ALOX5: variants seen among roughly 807,000 people sequenced by gnomAD.
ALOX5 encodes polyunsaturated fatty acid 5-lipoxygenase.
ALOX5 carries 64 observed loss-of-function variants against 87.9 expected under a neutral mutation model. That is an observed-to-expected ratio of 0.73 (90% CI 0.60 to 0.90). The LOEUF is 0.90. ALOX5 is among the 40% of genes least tolerant of loss of function. The pLI, the probability that ALOX5 is intolerant of heterozygous loss-of-function variation, is 0.00. For missense variants in ALOX5, 822 were observed against 907.5 expected, an observed-to-expected ratio of 0.91 and a Z score of 1.21; for synonymous variants, 388 against 355.1, an observed-to-expected ratio of 1.09 and a Z score of -1.04.
rs1564453616 is a variant in ALOX5, at chr10:45,445,514, C to T, written c.1852C>T (p.Leu618=). 1.2e-6 allele frequency: 2 copies of T among 1,613,194 alleles called. No individual in the cohort carries two copies. The highest frequency in any genetic ancestry group is 1.7e-6 in the Non-Finnish European group (2 of 1,179,202). ...LSQFQENELF[L]GMYPEEHFIE... ...TCCATGTCTGGGCCCTCAGCTGTTCCTGGGCATGTACCCAGAAGAGCATTT... is the reference window on the plus strand; with the variant it reads ...TCCATGTCTGGGCCCTCAGCTGTTCTTGGGCATGTACCCAGAAGAGCATTT... The change falls in exon 14 of 14, where the codon CTG becomes TTG. Residue 618 remains leucine, a synonymous_variant. Coordinates refer to ENST00000374391, the MANE Select transcript of ALOX5 (RefSeq NM_000698.5).
intron 2 of ALOX5, among the ~76,000 whole-genome samples, chr10:45,387,905 C>G (rs531914885): frequency 6.6e-6 from 1 of 152,348 alleles, no homozygotes; most frequent in African/African-American, 2.4e-5. Context: ...TTCTGCATTT[C>G]CAACTGAGGC....
At chr10:45,424,378 C>T (rs55661611) in intron 5 of ALOX5, among the ~76,000 whole-genome samples, 7,548 of 152,260 alleles carry the variant, frequency 0.05, 266 homozygotes, top group South Asian at 0.097. Context: ...CTCGAGCACC[C>T]TCAACCTCAT....
chr10:45,428,856 G>C, intron 7 of ALOX5, 92 bp downstream of exon 7: 2 of 1,514,524 alleles, frequency 1.3e-6, no homozygotes, highest in South Asian at 2.4e-5. Flanking sequence ...AGCTGAGGAA[G>C]CTATGTCTTG....
At chr10:45,404,070 C>T (rs956935118) in intron 3 of ALOX5, among the ~76,000 whole-genome samples, 1 of 152,228 alleles carries the variant, frequency 6.6e-6, no homozygotes, top group Admixed American at 6.5e-5. Context: ...ATAACACAAA[C>T]TAGCCCAATT....
intron 1 of ALOX5, among the ~76,000 whole-genome samples, chr10:45,379,449 T>C (rs1358420896): frequency 6.6e-6 from 1 of 152,228 alleles, no homozygotes; most frequent in Non-Finnish European, 1.5e-5. Flanking sequence ...CCCTCTGTCC[T>C]CACAGCCCTG....
chr10:45,428,565 T>G, intron 6 of ALOX5, 53 bp from the exon 7 acceptor site: 1 of 1,606,322 alleles, frequency 6.2e-7, no homozygotes. Flanking sequence ...CCAGGCCTGA[T>G]TTTTGGTCCG....
Position 45,425,078 on chromosome 10 carries a change from G to C in ALOX5, c.780G>C (p.Thr260=). The part of the protein sequence containing the change: ...TELPEKLPVT[T]EMVECSLERQ... ...TGCCCGAGAAGCTCCCGGTGACCACGGAGATGGTAGAGTGCAGCCTGGAGC... is the reference window on the plus strand; with the variant it reads ...TGCCCGAGAAGCTCCCGGTGACCACCGAGATGGTAGAGTGCAGCCTGGAGC... The change falls in exon 6 of 14, where the codon ACG becomes ACC. Residue 260 remains threonine (T), a synonymous_variant. Transcript: ENST00000374391. This position sits in a 1 kb window ranked among gnomAD's most constrained non-coding sequence, Gnocchi z 4.4. The C allele has an allele frequency of 6.2e-7, 1 of 1,614,050 alleles. No individual in the cohort carries two copies.
rs764477757 is a variant in ALOX5 at position 45,443,570 on chromosome 10, C to A, written c.1573+33C>A. 1.2e-5 allele frequency: 20 copies of A among 1,600,724 alleles called. 1 individual carries two copies. The highest frequency in any genetic ancestry group is 2.2e-5 in the South Asian group (2 of 90,494). ...CTCCGGGACGTCTCCGGACCCGGCTCCCCCGCAGTCGGCAGCGCTGGCCCC... is the reference window on the plus strand; with the variant it reads ...CTCCGGGACGTCTCCGGACCCGGCTACCCCGCAGTCGGCAGCGCTGGCCCC... On this transcript the variant is annotated intron_variant, in intron 11 of 13. Transcript: ENST00000374391.
chr10:45,400,921 G>A (rs1840677357), intron 3 of ALOX5, among the ~76,000 whole-genome samples: 2 of 152,196 alleles, frequency 1.3e-5, no homozygotes, highest in Non-Finnish European at 2.9e-5. Context: ...TCTTTTGATA[G>A]CATATTTTTA....
At chr10:45,380,788 A>G (rs1839797974) in intron 1 of ALOX5, among the ~76,000 whole-genome samples, 1 of 152,142 alleles carries the variant, frequency 6.6e-6, no homozygotes. Flanking sequence ...CTGAAAATAC[A>G]AAACTTAACC....
Position 45,397,214 on chromosome 10 carries a change from A to G in ALOX5, c.431+1278A>G, listed in dbSNP as rs990402505. Among the ~76,000 whole-genome samples, 96 of 152,080 alleles carry G rather than the reference A, an allele frequency of 6.3e-4. 1 individual carries two copies. Among genetic ancestry groups the G allele is most frequent in the African/African-American group, 2.2e-3 (92 of 41,416 alleles). ...TGGCCAACATGGTGAAACCCCGTCT[A>G]TACTAAAATACAAAAAGTAGCTGTG... On this transcript the variant is annotated intron_variant, in intron 3 of 13. Transcript: ENST00000374391.
chr10:45,390,539 A>G (rs1043658264), intron 2 of ALOX5, among the ~76,000 whole-genome samples: 2 of 152,210 alleles, frequency 1.3e-5, no homozygotes, highest in Non-Finnish European at 2.9e-5. Flanking sequence ...TAAGAAACTC[A>G]CTCAAAACCT....
chr10:45,376,576 A>G (rs1304093181), intron 1 of ALOX5, among the ~76,000 whole-genome samples: 1 of 152,226 alleles, frequency 6.6e-6, no homozygotes, highest in Non-Finnish European at 1.5e-5. Context: ...AGACAAGGTT[A>G]TCCCATTTTA....
rs75227446 is a variant in ALOX5 at position 45,438,794 on chromosome 10, A to G, written c.982-1636A>G. ...CAGGTCATTCAAATTTTTATGTGAA[A>G]CTGTCTGGTATTTAAAAGCAGCCAA... On this transcript the variant is annotated intron_variant, in intron 7 of 13. Coordinates refer to ENST00000374391, the MANE Select transcript of ALOX5 (RefSeq NM_000698.5). Among the ~76,000 whole-genome samples, 579 of 152,314 alleles carry G rather than the reference A, an allele frequency of 3.8e-3. 12 individuals are homozygous for G. In the East Asian group the frequency reaches 0.053, roughly 14 times the overall value.
At chr10:45,424,228 C>T in intron 5 of ALOX5, 81 bp downstream of exon 5, 1 of 1,240,532 alleles carries the variant, frequency 8.1e-7, no homozygotes, top group Non-Finnish European at 1.2e-6. Context: ...GGGAAATTGA[C>T]AAGGGCCTTC....
At chr10:45,392,084 G>T (rs558420441) in intron 2 of ALOX5, among the ~76,000 whole-genome samples, 1 of 151,364 alleles carries the variant, frequency 6.6e-6, no homozygotes, top group South Asian at 2.1e-4. Context: ...AGAGGGAGGT[G>T]GGGGGGTCAG....
chr10:45,400,112 T>C (rs958997812), intron 3 of ALOX5, among the ~76,000 whole-genome samples: 3 of 152,178 alleles, frequency 2.0e-5, no homozygotes, highest in African/African-American at 7.2e-5. Flanking sequence ...AGCTACAATA[T>C]GACCCAGCAA....
Position 45,440,652 on chromosome 10 carries a change from C to G in ALOX5, c.1185+19C>G, listed in dbSNP as rs202027452. 5.6e-5 allele frequency: 91 copies of G among 1,611,980 alleles called. No homozygotes were observed. The African/African-American group carries it at 1.1e-3, about 20-fold the overall frequency. On this transcript the variant is annotated intron_variant, in intron 8 of 13. Coordinates refer to ENST00000374391, the MANE Select transcript of ALOX5 (RefSeq NM_000698.5). ...TTTCAAGGTACAGCCAGCTACCGCC[C>G]CACCTGCTATGGGAGGGCATCTGAG...
chr10:45,441,395 G>A lies in ALOX5; in HGVS notation c.1237G>A (p.Glu413Lys). Residue 413 changes from glutamate (E) to lysine (K), a missense_variant, in exon 9 of 14, where the codon GAG becomes AAG. Transcript: ENST00000374391. ...CATTGCAATCAACACCAAGGCCCGT[G>A]AGCAGCTCATCTGCGAGTGTGGCCT... ...FTIAINTKAR[E>K]QLICECGLFD... is the part of the protein sequence containing the mutation. The A allele has an allele frequency of 6.2e-7, 1 of 1,613,830 alleles. No individual in the cohort carries two copies. The highest frequency in any genetic ancestry group is 8.5e-7 in the Non-Finnish European group (1 of 1,179,776).
Sources: allele counts gnomAD v4.1 joint callset (sites outside exome capture counted in the v4.1 genomes callset), GRCh38; gene constraint gnomAD v4.1.1; non-coding constraint Gnocchi (gnomAD v3.1); transcripts MANE v1.5; gene names NCBI Gene and HGNC (gene_info 2026-07-23, HGNC 2026-07-21).